Variants in GAS2L3 observed in about 807,000 individuals in gnomAD.
GAS2L3 encodes growth arrest specific 2 like 3, also known as GAS2-like protein 3.
A neutral mutation model predicts 37.0 loss-of-function variants in GAS2L3; 28 were observed. That is an observed-to-expected ratio of 0.76 (90% CI 0.56 to 1.04). The LOEUF (loss-of-function observed/expected upper bound fraction) is 1.04. Ranked by LOEUF, GAS2L3 falls within the 50% of genes least tolerant of loss-of-function variation. The pLI, the probability that GAS2L3 is intolerant of heterozygous loss-of-function variation, is 0.00. For synonymous variants in GAS2L3, 290 were observed against 296.6 expected, an observed-to-expected ratio of 0.98 and a Z score of 0.23; for missense variants, 793 against 817.6, an observed-to-expected ratio of 0.97 and a Z score of 0.37.
chr12:100,618,457 T>A lies in GAS2L3; in HGVS notation c.518T>A (p.Val173Asp). 6.2e-7 allele frequency: 1 copy of A among 1,608,588 alleles called. No homozygotes were observed. Among genetic ancestry groups the A allele is most frequent in the Non-Finnish European group, 8.5e-7 (1 of 1,177,654 alleles). ...TCCTGGTTGGTTTTCAGATACGGGG[T>A]TGAGCCACCAGTGTTAGTAAAACTT... ...EIGRIVSRYG[V>D]EPPVLVKLEK... The change falls in exon 8 of 10, where the codon GTT (valine) becomes GAT (aspartate). Residue 173 changes from valine (V) to aspartate (D), a missense_variant. By Grantham distance (152) the Val-to-Asp change is radical. Coordinates refer to ENST00000547754, the MANE Select transcript of GAS2L3 (RefSeq NM_174942.3).
intron 3 of GAS2L3, among the ~76,000 whole-genome samples, chr12:100,598,296 T>C (rs973243426): frequency 2.0e-5 from 3 of 152,192 alleles, no homozygotes; most frequent in Admixed American, 6.5e-5. Context: ...TGGAACAGTA[T>C]CTCAGTCTTT....
rs1469401372 is a variant in GAS2L3 at position 100,627,882 on chromosome 12, G to A, written c.*2992G>A. 1 of 152,108 alleles carries A rather than the reference G, an allele frequency of 6.6e-6. No homozygotes were observed. 9.4% of individuals were successfully genotyped at this position (152,108 alleles called of 1,614,324 possible). ...GCTTTTATTTTATTTTCTATAATTT[G>A]TTAACATGATATGTAAAATTAAACT... On this transcript the variant is annotated 3_prime_UTR_variant, in exon 10 of 10. Transcript: ENST00000547754.
chr12:100,606,163 AGC>A (rs1191877792), intron 5 of GAS2L3, among the ~76,000 whole-genome samples: 1 of 151,770 alleles, frequency 6.6e-6, no homozygotes, highest in African/African-American at 2.4e-5. Context: ...TATTTATCTG[AGC>A]GCTCTAGCAT....
chr12:100,620,363 G>A (rs1956238569), intron 8 of GAS2L3, among the ~76,000 whole-genome samples: 1 of 151,922 alleles, frequency 6.6e-6, no homozygotes, highest in African/African-American at 2.4e-5. Flanking sequence ...TAGTACCTTT[G>A]TAGATTATTT....
rs547856474 is a variant in GAS2L3, at chr12:100,578,927, G to A, written c.-152+5142G>A. 3.4e-5 allele frequency: 31 copies of A among 915,430 alleles called. No individual in the cohort carries two copies. In the African/African-American group the frequency reaches 4.9e-4, roughly 14 times the overall value. The allele number at this position is 915,430 out of a possible 1,614,324, so 56.7% of individuals were successfully genotyped here. On this transcript the variant is annotated intron_variant, in intron 1 of 9. Coordinates refer to ENST00000547754, the MANE Select transcript of GAS2L3 (RefSeq NM_174942.3). ...TTACCAGCTCCCTCAGTGCCTGATT[G>A]GAAGAGGGGATAAGGTTATAATTGT... is the stretch of plus-strand genomic sequence containing the variant.
Position 100,618,507 on chromosome 12 carries a change from ACTTTG to A in GAS2L3, c.572_576del (p.Leu191Ter), listed in dbSNP as rs745547647. 1.2e-6 allele frequency: 2 copies of A among 1,612,502 alleles called. No individual in the cohort carries two copies. Among genetic ancestry groups the A allele is most frequent in the African/African-American group, 2.7e-5 (2 of 74,784 alleles). ...TGAGAAAGAAATTGAGTTAGAAGAG[ACTTTG>A]CTTAATACTTCTGGGCCTGAAGATT... On this transcript the variant is annotated frameshift_variant, in exon 8 of 10. Coordinates refer to ENST00000547754, the MANE Select transcript of GAS2L3 (RefSeq NM_174942.3). LOFTEE classifies it high-confidence loss of function.
At position 100,624,300 on chromosome 12, in the gene GAS2L3, T is replaced by C; in HGVS notation, c.1495T>C (p.Cys499Arg). The change falls in exon 10 of 10, where the codon TGT becomes CGT. Residue 499 changes from cysteine to arginine, a missense_variant. Coordinates refer to ENST00000547754, the MANE Select transcript of GAS2L3 (RefSeq NM_174942.3). ...TGCACATTCAAATTCATCCTCAAAA[T>C]GTCCCAAGCTGCCTAAAGCAAATAT... is the stretch of plus-strand genomic sequence containing the variant. The part of the protein sequence containing the change: ...LAAHSNSSSK[C>R]PKLPKANIPV... The C allele has an allele frequency of 6.2e-7, 1 of 1,614,048 alleles. No individual in the cohort carries two copies. The highest frequency in any genetic ancestry group is 8.5e-7 in the Non-Finnish European group (1 of 1,179,996).
chr12:100,622,164 C>A (rs772211913), intron 8 of GAS2L3, 111 bp from the exon 9 acceptor site: 2 of 535,174 alleles, frequency 3.7e-6, no homozygotes, highest in South Asian at 6.2e-5. Context: ...AATTATTGAA[C>A]CTGAAATTTT....
chr12:100,594,315 G>C (rs1955883316), intron 2 of GAS2L3, among the ~76,000 whole-genome samples: 1 of 151,896 alleles, frequency 6.6e-6, no homozygotes, highest in Non-Finnish European at 1.5e-5. Flanking sequence ...TAAAATTGCT[G>C]TTTCTTCTTT....
chr12:100,586,191 AC>A (rs1446556389), intron 1 of GAS2L3, among the ~76,000 whole-genome samples: 2 of 152,228 alleles, frequency 1.3e-5, no homozygotes, highest in African/African-American at 4.8e-5. Context: ...CAACCAAGAA[AC>A]AATGGATTTA....
intron 5 of GAS2L3, among the ~76,000 whole-genome samples, chr12:100,610,579 G>T (rs1024517991): frequency 6.6e-6 from 1 of 151,592 alleles, no homozygotes; most frequent in East Asian, 1.9e-4. Flanking sequence ...AACTCCTAAC[G>T]TTATTTTAGT....
Position 100,598,597 on chromosome 12 carries a change from T to C in GAS2L3, c.19-1785T>C, listed in dbSNP as rs1212649015. ...TTTTTATGCAGGTACTTTGAAACTA[T>C]GTAAAAATCCCATTCTTGTTAAAAT... On this transcript the variant is annotated intron_variant, in intron 3 of 9. Transcript: ENST00000547754. 4.6e-5 allele frequency among the ~76,000 whole-genome samples: 7 copies of C among 152,176 alleles called. No individual in the cohort carries two copies. The East Asian group carries it at 1.3e-3, about 29-fold the overall frequency.
intron 5 of GAS2L3, among the ~76,000 whole-genome samples, chr12:100,611,458 C>T (rs1201620355): frequency 6.6e-6 from 1 of 152,084 alleles, no homozygotes; most frequent in Non-Finnish European, 1.5e-5. Context: ...CTAATTTTGA[C>T]CAAATCATTT....
rs1346129822 is a variant in GAS2L3, at chr12:100,617,731, T to G, written c.446-13T>G. The G allele has an allele frequency of 1.9e-6, 3 of 1,576,262 alleles. No individual in the cohort carries two copies. Among genetic ancestry groups the G allele is most frequent in the Non-Finnish European group, 2.6e-6 (3 of 1,147,854 alleles). Reference sequence around the variant, plus strand: ...ATTTTGCTGTATAAAATAAGTGGTTTTATTTTCCACAGTTTTGCACAAAGA... The same window carrying G: ...ATTTTGCTGTATAAAATAAGTGGTTGTATTTTCCACAGTTTTGCACAAAGA... On this transcript the variant is annotated splice_polypyrimidine_tract_variant and intron_variant, in intron 6 of 9. Coordinates refer to ENST00000547754, the MANE Select transcript of GAS2L3 (RefSeq NM_174942.3).
At chr12:100,575,798 G>A (rs1388882562) in intron 1 of GAS2L3, among the ~76,000 whole-genome samples, 1 of 151,982 alleles carries the variant, frequency 6.6e-6, no homozygotes, top group Non-Finnish European at 1.5e-5. Context: ...TTTTATAGGG[G>A]ACAAAACTGA....
At position 100,601,684 on chromosome 12, in the gene GAS2L3, AG is replaced by A; in HGVS notation, c.235del (p.Val79TyrfsTer6). On this transcript the variant is annotated frameshift_variant, in exon 5 of 10. Coordinates refer to ENST00000547754, the MANE Select transcript of GAS2L3 (RefSeq NM_174942.3). LOFTEE classifies it high-confidence loss of function. ...AATTATTGGAAGAACTTGATAATGG[AG>A]TACTATTATGTCAACTGATTGATGT... ...EKLLEELDNGVLLCQLIDVLQ... is the reference protein window; with the variant it reads ...EKLLEELDNGXLLCQLIDVLQ... 2.5e-6 allele frequency: 4 copies of A among 1,602,212 alleles called. No individual in the cohort carries two copies. The highest frequency in any genetic ancestry group is 3.4e-6 in the Non-Finnish European group (4 of 1,170,976).
chr12:100,603,844 A>C (rs1451507587), intron 5 of GAS2L3, among the ~76,000 whole-genome samples: 2 of 152,126 alleles, frequency 1.3e-5, no homozygotes, highest in Admixed American at 1.3e-4. Flanking sequence ...ATTCTTCTGC[A>C]TGTGAATACC....
chr12:100,622,250 A>G, intron 8 of GAS2L3, 25 bp from the exon 9 acceptor site: 1 of 1,303,402 alleles, frequency 7.7e-7, no homozygotes, highest in Non-Finnish European at 1.1e-6. Flanking sequence ...GACAAGCACT[A>G]AATTTTATTT....
At chr12:100,592,625 C>A (rs1273531134) in intron 2 of GAS2L3, among the ~76,000 whole-genome samples, 1 of 152,052 alleles carries the variant, frequency 6.6e-6, no homozygotes, top group Non-Finnish European at 1.5e-5. Context: ...AAATTCTGGT[C>A]AAATTTCAGG....
Sources: gnomAD v4.1 joint callset for allele counts (sites outside exome capture counted in the v4.1 genomes callset) on GRCh38, gnomAD v4.1.1 for gene constraint, MANE v1.5 for transcripts, NCBI Gene and HGNC (gene_info 2026-07-23, HGNC 2026-07-21) for gene names.